DNM3: variants seen among roughly 807,000 people sequenced by gnomAD.
The protein encoded by DNM3 is dynamin 3, also known as dynamin-3.
DNM3 carries 47 observed loss-of-function variants against 101.6 expected under a neutral mutation model. The ratio of observed to expected loss-of-function variants is 0.46; its 90% confidence interval spans 0.37 to 0.59. DNM3 has a LOEUF of 0.59. Ranked by LOEUF, DNM3 falls within the 20% of genes least tolerant of loss-of-function variation. The pLI is 0.00. For synonymous variants in DNM3, 385 were observed against 387.9 expected, an observed-to-expected ratio of 0.99 and a Z score of 0.09; for missense variants, 849 against 1,085.7, an observed-to-expected ratio of 0.78 and a Z score of 3.06.
chr1:171,878,050 C>T (rs2035936838), intron 1 of DNM3, among the ~76,000 whole-genome samples: 2 of 152,092 alleles, frequency 1.3e-5, no homozygotes, highest in East Asian at 1.9e-4. Flanking sequence ...CTATCTTTGG[C>T]TGACAAAAGT....
intron 2 of DNM3, among the ~76,000 whole-genome samples, chr1:171,978,317 C>G (rs545263300): frequency 1.3e-5 from 2 of 152,246 alleles, no homozygotes; most frequent in East Asian, 3.9e-4. Context: ...GGAAACCTCT[C>G]TAAAGAGATG....
chr1:172,000,369 C>G (rs571885555), intron 4 of DNM3, among the ~76,000 whole-genome samples: 1 of 152,060 alleles, frequency 6.6e-6, no homozygotes, highest in Non-Finnish European at 1.5e-5. Context: ...CCAGTAACAG[C>G]TAGATTGCTC....
At chr1:172,140,117 G>A (rs1442368993) in intron 14 of DNM3, 2 of 151,982 alleles carry the variant, frequency 1.3e-5, no homozygotes, top group East Asian at 3.8e-4. Context: ...TGAGAAAATA[G>A]CAAATAGAAA....
intron 11 of DNM3, 102 bp from the exon 12 acceptor site, chr1:172,081,729 TA>T (rs1347189597): frequency 2.6e-5 from 24 of 927,234 alleles, no homozygotes; most frequent in South Asian, 5.3e-5. Context: ...AAGTATCCTT[TA>T]AAAAATTATA....
At chr1:172,035,004 G>C (rs2048855941) in intron 6 of DNM3, among the ~76,000 whole-genome samples, 1 of 152,108 alleles carries the variant, frequency 6.6e-6, no homozygotes, top group Non-Finnish European at 1.5e-5. Context: ...TTGACAAGAA[G>C]ACCAAGAGTA....
chr1:172,243,244 C>A (rs1320396974), intron 14 of DNM3, among the ~76,000 whole-genome samples: 1 of 151,990 alleles, frequency 6.6e-6, no homozygotes, highest in East Asian at 1.9e-4. Flanking sequence ...GAACAAAATC[C>A]TTAATGTTCT....
intron 2 of DNM3, among the ~76,000 whole-genome samples, chr1:171,934,887 C>T (rs922009820): frequency 6.6e-6 from 1 of 152,132 alleles, no homozygotes; most frequent in South Asian, 2.1e-4. Flanking sequence ...CAGCACTGCA[C>T]ATTTTGATGC....
At chr1:172,199,020 T>C (rs1345493980) in intron 14 of DNM3, among the ~76,000 whole-genome samples, 1 of 152,122 alleles carries the variant, frequency 6.6e-6, no homozygotes, top group African/African-American at 2.4e-5. Context: ...TTTGAGATCA[T>C]TCCAACTTTT....
chr1:171,983,898 G>C (rs1255898923), intron 2 of DNM3, among the ~76,000 whole-genome samples: 1 of 152,038 alleles, frequency 6.6e-6, no homozygotes, highest in East Asian at 1.9e-4. Flanking sequence ...GGATGGGTGT[G>C]TCATGGCCAT....
At chr1:172,011,657 A>T (rs2047134561) in intron 4 of DNM3, among the ~76,000 whole-genome samples, 1 of 152,034 alleles carries the variant, frequency 6.6e-6, no homozygotes, top group Non-Finnish European at 1.5e-5. Context: ...AGAAACAGAG[A>T]TTTCCAAACC....
At chr1:172,281,133 G>A (rs2063476313) in intron 15 of DNM3, among the ~76,000 whole-genome samples, 1 of 151,942 alleles carries the variant, frequency 6.6e-6, no homozygotes, top group Non-Finnish European at 1.5e-5. Flanking sequence ...GAATTAAATT[G>A]TGGGAAGTTT....
At chr1:172,291,068 AC>A (rs2063894054) in intron 15 of DNM3, among the ~76,000 whole-genome samples, 1 of 152,166 alleles carries the variant, frequency 6.6e-6, no homozygotes, top group Non-Finnish European at 1.5e-5. Context: ...AGATCACATG[AC>A]CGTGAAAAGC....
intron 20 of DNM3, among the ~76,000 whole-genome samples, chr1:172,395,240 G>A (rs1042377593): frequency 8.0e-5 from 12 of 150,148 alleles, no homozygotes; most frequent in Non-Finnish European, 1.2e-4. Flanking sequence ...GCGTGGTCTC[G>A]GCTCACTGCA....
intron 1 of DNM3, among the ~76,000 whole-genome samples, chr1:171,888,008 G>T (rs1291149555): frequency 1.3e-5 from 2 of 150,376 alleles, no homozygotes; most frequent in Non-Finnish European, 3.0e-5. Context: ...TCTTGTATTT[G>T]AATACCCATA....
At chr1:172,277,634 CA>C (rs1326348476) in intron 15 of DNM3, among the ~76,000 whole-genome samples, 1 of 150,552 alleles carries the variant, frequency 6.6e-6, no homozygotes, top group African/African-American at 2.4e-5. Flanking sequence ...CAGTCAATTG[CA>C]AAAAAAGGTG....
chr1:172,227,271 G>GAGATATATATATATATAT (rs1553200054), intron 14 of DNM3, among the ~76,000 whole-genome samples: 2 of 77,994 alleles, frequency 2.6e-5, no homozygotes, highest in African/African-American at 9.5e-5. Context: ...AGTATTTTGT[G>GAGATATATATATATATAT]ATATATATAT....
chr1:171,878,919 C>T (rs1217157720), intron 1 of DNM3, among the ~76,000 whole-genome samples: 1 of 151,896 alleles, frequency 6.6e-6, no homozygotes. Flanking sequence ...TGATTAGATC[C>T]TTTGTCATTG....
chr1:172,048,569 C>G (rs547643930), intron 9 of DNM3, 43 bp from the exon 10 acceptor site: 26 of 1,559,654 alleles, frequency 1.7e-5, no homozygotes, highest in African/African-American at 2.8e-5. Flanking sequence ...GAATATTACT[C>G]AATTAAAAAA....
intron 14 of DNM3, among the ~76,000 whole-genome samples, chr1:172,240,973 A>G (rs2061726536): frequency 6.9e-6 from 1 of 145,630 alleles, no homozygotes; most frequent in Non-Finnish European, 1.5e-5. Flanking sequence ...TAACTGAAAA[A>G]GTATAAAACA....
Sources: gnomAD v4.1 joint callset for allele counts (sites outside exome capture counted in the v4.1 genomes callset) on GRCh38, gnomAD v4.1.1 for gene constraint, MANE v1.5 for transcripts, NCBI Gene and HGNC (gene_info 2026-07-23, HGNC 2026-07-21) for gene names.